The following VRK2 variants were observed in gnomAD, a reference collection of about 807,000 sequenced individuals.
VRK2 encodes the protein VRK serine/threonine kinase 2.
A neutral mutation model predicts 57.6 loss-of-function variants in VRK2; 60 were observed. The ratio of observed to expected loss-of-function variants is 1.04; its 90% CI spans 0.85 to 1.29. The LOEUF (loss-of-function observed/expected upper bound fraction) is 1.29. VRK2 is among the 50% of genes most tolerant of loss of function. The pLI is 0.00. For missense variants in VRK2, 705 were observed against 588.1 expected (o/e 1.20, Z -2.06); for synonymous variants, 231 against 199.2 (o/e 1.16, Z -1.35).
chr2:58,120,015 AGT>A (rs1024042941), intron 7 of VRK2, among the ~76,000 whole-genome samples: 2 of 151,734 alleles, frequency 1.3e-5, no homozygotes, highest in Non-Finnish European at 2.9e-5. Flanking sequence ...GAAAACAGCA[AGT>A]GTTGTTGGAG....
chr2:58,034,748 G>A (rs901993054), intron 3 of VRK2, among the ~76,000 whole-genome samples: 38 of 151,540 alleles, frequency 2.5e-4, no homozygotes, highest in African/African-American at 8.0e-4. Flanking sequence ...CTAAAGGAAG[G>A]CTGACACCAG....
chr2:58,128,252 T>C (rs1391963511), intron 8 of VRK2, among the ~76,000 whole-genome samples: 2 of 152,222 alleles, frequency 1.3e-5, no homozygotes, highest in African/African-American at 4.8e-5. Flanking sequence ...AAATGCCTGC[T>C]TCAAATACCT....
intron 7 of VRK2, among the ~76,000 whole-genome samples, chr2:58,108,728 G>T (rs1675120326): frequency 6.6e-6 from 1 of 152,070 alleles, no homozygotes; most frequent in Admixed American, 6.5e-5. Context: ...AAATTTCATA[G>T]ACTTTTATGC....
At chr2:58,085,597 A>C (rs965291465) in intron 4 of VRK2, among the ~76,000 whole-genome samples, 1 of 151,998 alleles carries the variant, frequency 6.6e-6, no homozygotes, top group African/African-American at 2.4e-5. Context: ...TGTATAGTCA[A>C]GGTCCTTTAC....
At chr2:57,990,018 C>T (rs1349124193) in intron 1 of VRK2, among the ~76,000 whole-genome samples, 1 of 152,158 alleles carries the variant, frequency 6.6e-6, no homozygotes, top group African/African-American at 2.4e-5. Flanking sequence ...AAAAAGGAGT[C>T]TGCAAAGCCA....
At chr2:57,909,402 A>G (rs1426317809) in intron 1 of VRK2, among the ~76,000 whole-genome samples, 6 of 152,160 alleles carry the variant, frequency 3.9e-5, no homozygotes, top group African/African-American at 9.7e-5. Flanking sequence ...TTTCACTATC[A>G]TAAGTGATGA....
chr2:58,138,139 A>G (rs1467496280), intron 10 of VRK2, among the ~76,000 whole-genome samples: 1 of 152,200 alleles, frequency 6.6e-6, no homozygotes, highest in Non-Finnish European at 1.5e-5. Flanking sequence ...ATTCTGGTTA[A>G]TGGAATTGTA....
At chr2:58,013,084 A>G (rs541718463) in intron 1 of VRK2, among the ~76,000 whole-genome samples, 1 of 152,208 alleles carries the variant, frequency 6.6e-6, no homozygotes, top group Admixed American at 6.5e-5. Flanking sequence ...TTTTATAAAA[A>G]AATTTAATTC....
chr2:58,084,842 A>T (rs1318257862), intron 3 of VRK2, 39 bp from the exon 4 acceptor site: 1 of 1,316,872 alleles, frequency 7.6e-7, no homozygotes, highest in African/African-American at 1.5e-5. Flanking sequence ...CTTTGGGATT[A>T]TTTTTTTCTA....
chr2:58,093,668 A>G (rs1293639864), intron 7 of VRK2, among the ~76,000 whole-genome samples: 10 of 152,118 alleles, frequency 6.6e-5, no homozygotes, highest in Non-Finnish European at 1.3e-4. Context: ...CTTTAGTTTA[A>G]TTAGATCCCA....
chr2:58,005,979 G>C (rs1405795470), intron 1 of VRK2, among the ~76,000 whole-genome samples: 1 of 152,116 alleles, frequency 6.6e-6, no homozygotes, highest in African/African-American at 2.4e-5. Flanking sequence ...GGTAAGCAAG[G>C]CAATGCTGAT....
At chr2:57,911,406 A>C (rs569561113) in intron 1 of VRK2, among the ~76,000 whole-genome samples, 1 of 152,324 alleles carries the variant, frequency 6.6e-6, no homozygotes, top group South Asian at 2.1e-4. Flanking sequence ...GAAAGCCTTG[A>C]GAAATCCCAC....
chr2:57,967,462 T>C (rs1671959379), intron 1 of VRK2, among the ~76,000 whole-genome samples: 1 of 152,008 alleles, frequency 6.6e-6, no homozygotes, highest in Admixed American at 6.6e-5. Context: ...TTTCCATGGG[T>C]GGTTTTTAAC....
intron 1 of VRK2, among the ~76,000 whole-genome samples, chr2:58,007,988 A>G (rs72808500): frequency 0.12 from 18,850 of 152,132 alleles, 1,360 homozygotes; most frequent in African/African-American, 0.18. Context: ...GTCTCTGTAA[A>G]TAACAGAAGA....
chr2:58,149,691 G>A (rs1003736198), intron 12 of VRK2, among the ~76,000 whole-genome samples: 1 of 151,488 alleles, frequency 6.6e-6, no homozygotes, highest in Non-Finnish European at 1.5e-5. Context: ...CCTTTATCAG[G>A]CTGAGGAAAT....
intron 1 of VRK2, among the ~76,000 whole-genome samples, chr2:58,048,290 C>A (rs1434760572): frequency 6.6e-6 from 1 of 152,066 alleles, no homozygotes; most frequent in Admixed American, 6.5e-5. Flanking sequence ...TGCTAAGTTA[C>A]ATATCCGTGA....
intron 12 of VRK2, among the ~76,000 whole-genome samples, chr2:58,149,491 G>A (rs1187241619): frequency 1.3e-5 from 2 of 151,598 alleles, no homozygotes; most frequent in African/African-American, 4.8e-5. Context: ...AATAGAGACA[G>A]TTTTACCTCT....
chr2:58,151,290 T>C (rs1040479071), intron 12 of VRK2, among the ~76,000 whole-genome samples: 1 of 151,808 alleles, frequency 6.6e-6, no homozygotes, highest in African/African-American at 2.4e-5. Flanking sequence ...ATAGTAGTTA[T>C]ATGTTCTTGG....
chr2:57,922,006 G>C (rs982118500), intron 1 of VRK2, among the ~76,000 whole-genome samples: 1 of 151,860 alleles, frequency 6.6e-6, no homozygotes, highest in African/African-American at 2.4e-5. Flanking sequence ...TCTAGTTTTA[G>C]TATCCTCTGT....
Sources: allele counts gnomAD v4.1 joint callset (sites outside exome capture counted in the v4.1 genomes callset), GRCh38; gene constraint gnomAD v4.1.1; transcripts MANE v1.5; gene names NCBI Gene and HGNC (gene_info 2026-07-23, HGNC 2026-07-21).